Variants in SLC35F4 observed in about 807,000 individuals in gnomAD.
The protein encoded by SLC35F4 is solute carrier family 35 member F4.
A neutral mutation model predicts 44.2 loss-of-function variants in SLC35F4; 24 were observed. That is an observed-to-expected ratio of 0.54 (90% CI 0.39 to 0.76). The LOEUF is 0.76. Ranked by LOEUF, SLC35F4 falls within the 30% of genes least tolerant of loss-of-function variation. The pLI, the probability that SLC35F4 is intolerant of heterozygous loss-of-function variation, is 0.00. For synonymous variants in SLC35F4, 238 were observed against 223.6 expected (o/e 1.06, Z -0.57); for missense variants, 562 against 586.1 (o/e 0.96, Z 0.42).
chr14:57,979,562 A>AGAAT (rs1251864124), intron 1 of SLC35F4, among the ~76,000 whole-genome samples: 1 of 152,158 alleles, frequency 6.6e-6, no homozygotes, highest in Non-Finnish European at 1.5e-5. Context: ...GACCATGCAA[A>AGAAT]GAATACTCAG....
At chr14:57,588,626 A>G (rs1487508668) in intron 3 of SLC35F4, among the ~76,000 whole-genome samples, 1 of 152,188 alleles carries the variant, frequency 6.6e-6, no homozygotes, top group South Asian at 2.1e-4. Context: ...CATGGTTAGC[A>G]AGGAAACAGA....
At chr14:57,899,779 G>GCCGGTGGGTT (rs1323047934) in intron 1 of SLC35F4, among the ~76,000 whole-genome samples, 1 of 152,170 alleles carries the variant, frequency 6.6e-6, no homozygotes, top group African/African-American at 2.4e-5. Flanking sequence ...GTTGGTTCCT[G>GCCGGTGGGTT]CCGGTGGGTT....
At chr14:57,731,027 A>G (rs746189645) in intron 1 of SLC35F4, among the ~76,000 whole-genome samples, 6 of 152,216 alleles carry the variant, frequency 3.9e-5, no homozygotes, top group Non-Finnish European at 7.3e-5. Context: ...ACAGTGGGAA[A>G]TACCTCTTGG....
At chr14:57,869,971 A>G (rs1007237876), upstream of SLC35F4, among the ~76,000 whole-genome samples, 9 of 152,240 alleles carry the variant, frequency 5.9e-5, no homozygotes, top group Non-Finnish European at 1.3e-4. Context: ...ATGAGAAGAC[A>G]GGGCAGAGTC....
At chr14:57,891,284 G>A (rs934506600) in intron 1 of SLC35F4, among the ~76,000 whole-genome samples, 5 of 151,992 alleles carry the variant, frequency 3.3e-5, no homozygotes, top group South Asian at 2.1e-4. Flanking sequence ...GCATCTACTC[G>A]GTGCCTGGCA....
intron 1 of SLC35F4, among the ~76,000 whole-genome samples, chr14:57,760,186 T>G (rs920418237): frequency 2.6e-5 from 4 of 152,154 alleles, no homozygotes; most frequent in African/African-American, 9.7e-5. Flanking sequence ...GGTCTTTTTT[T>G]CGCTTTGAGT....
At chr14:57,827,092 A>G (rs1259105954) in intron 1 of SLC35F4, among the ~76,000 whole-genome samples, 1 of 151,938 alleles carries the variant, frequency 6.6e-6, no homozygotes, top group African/African-American at 2.4e-5. Context: ...ACAATAGCAA[A>G]GACATGGAAT....
chr14:57,664,036 A>T (rs1406242923), intron 1 of SLC35F4, among the ~76,000 whole-genome samples: 2 of 152,160 alleles, frequency 1.3e-5, no homozygotes, highest in Non-Finnish European at 2.9e-5. Context: ...AGGGCACTGT[A>T]CATAGAGGAG....
intron 1 of SLC35F4, among the ~76,000 whole-genome samples, chr14:57,926,273 A>G (rs945915368): frequency 6.6e-6 from 1 of 152,212 alleles, no homozygotes; most frequent in Non-Finnish European, 1.5e-5. Flanking sequence ...CACGTGCTCT[A>G]CAAATGTTTG....
chr14:57,689,628 A>G (rs914394310), intron 1 of SLC35F4, among the ~76,000 whole-genome samples: 2 of 151,894 alleles, frequency 1.3e-5, no homozygotes, highest in South Asian at 2.1e-4. Flanking sequence ...TTTAAAGACT[A>G]TCACAGGGAC....
intron 1 of SLC35F4, among the ~76,000 whole-genome samples, chr14:57,836,555 T>A (rs993831588): frequency 6.6e-6 from 1 of 152,218 alleles, no homozygotes; most frequent in Non-Finnish European, 1.5e-5. Context: ...CCTCCCAAAG[T>A]GCTGGGATTA....
chr14:57,581,841 A>C (rs2069294439), intron 3 of SLC35F4, among the ~76,000 whole-genome samples: 1 of 152,192 alleles, frequency 6.6e-6, no homozygotes, highest in Non-Finnish European at 1.5e-5. Flanking sequence ...AACTCCTAGA[A>C]CCCGGAGGGA....
At chr14:57,772,575 T>A (rs1673083557) in intron 1 of SLC35F4, among the ~76,000 whole-genome samples, 1 of 152,218 alleles carries the variant, frequency 6.6e-6, no homozygotes, top group Non-Finnish European at 1.5e-5. Flanking sequence ...CATCTTTATA[T>A]GTACCCATTG....
At chr14:57,795,521 T>C (rs117621792) in intron 1 of SLC35F4, among the ~76,000 whole-genome samples, 3,180 of 152,292 alleles carry the variant, frequency 0.021, 48 homozygotes, top group Middle Eastern at 0.065. Context: ...TGCTTATGTA[T>C]TGATCCAATA....
chr14:57,900,858 G>A (rs1298470835), intron 1 of SLC35F4, among the ~76,000 whole-genome samples: 1 of 151,964 alleles, frequency 6.6e-6, no homozygotes, highest in Non-Finnish European at 1.5e-5. Context: ...AATGCACAAA[G>A]GACACGAACA....
intron 1 of SLC35F4, among the ~76,000 whole-genome samples, chr14:57,647,901 A>T (rs893948913): frequency 6.6e-5 from 10 of 151,936 alleles, no homozygotes; most frequent in African/African-American, 2.2e-4. Context: ...AATCCCCGCT[A>T]CCCTGATCCT....
chr14:57,909,700 T>C (rs1162191207), intron 1 of SLC35F4, among the ~76,000 whole-genome samples: 1 of 152,122 alleles, frequency 6.6e-6, no homozygotes, highest in East Asian at 1.9e-4. Context: ...TGTAACACAG[T>C]TCATTTATCT....
intron 3 of SLC35F4, among the ~76,000 whole-genome samples, chr14:57,586,029 A>AAGTAAAAAGAAC (rs1211364500): frequency 6.6e-6 from 1 of 152,182 alleles, no homozygotes; most frequent in Non-Finnish European, 1.5e-5. Flanking sequence ...AGACAATCCT[A>AAGTAAAAAGAAC]AGTAAAAAGA....
At chr14:57,838,880 T>A (rs376025792) in intron 1 of SLC35F4, among the ~76,000 whole-genome samples, 1 of 152,094 alleles carries the variant, frequency 6.6e-6, no homozygotes, top group South Asian at 2.1e-4. Flanking sequence ...ATGGCTGGAA[T>A]AGAGAATTCA....
Sources: allele counts gnomAD v4.1 joint callset (sites outside exome capture counted in the v4.1 genomes callset), GRCh38; gene constraint gnomAD v4.1.1; transcripts MANE v1.5; gene names NCBI Gene and HGNC (gene_info 2026-07-23, HGNC 2026-07-21).